The following SAFB variants were observed in gnomAD, a reference collection of about 807,000 sequenced individuals.
SAFB encodes the protein scaffold attachment factor B1.
Under a neutral mutation model 101.6 loss-of-function variants are expected in SAFB, and 15 were observed. That is an observed-to-expected ratio of 0.15 (90% CI 0.10 to 0.23). The LOEUF is 0.23. Among genes scored for constraint, SAFB ranks in the 10% least tolerant of loss-of-function variants. The pLI is 1.00. For missense variants in SAFB, 930 were observed against 1,104.1 expected (o/e 0.84, Z 2.23); for synonymous variants, 449 against 407.5 (o/e 1.10, Z -1.23).
intron 1 of SAFB, among the ~76,000 whole-genome samples, chr19:5,623,674 T>C (rs2145378702): frequency 6.6e-6 from 1 of 150,788 alleles, no homozygotes; most frequent in Non-Finnish European, 1.5e-5. Context: ...GAGAGGAGGG[T>C]TCTCCCCTCG....
chr19:5,624,452 A>G (rs2053298530), intron 1 of SAFB, among the ~76,000 whole-genome samples: 1 of 151,896 alleles, frequency 6.6e-6, no homozygotes, highest in Non-Finnish European at 1.5e-5. Flanking sequence ...CCCTAGGAAA[A>G]GCAGAGAGGC....
chr19:5,655,143 C>A (rs1246273369), intron 13 of SAFB, among the ~76,000 whole-genome samples: 1 of 152,084 alleles, frequency 6.6e-6, no homozygotes, highest in East Asian at 1.9e-4. Flanking sequence ...TGACCCCTTC[C>A]TGTACTCTTA....
In SAFB at chr19:5,661,624, C is replaced by G; in HGVS notation, c.1969C>G (p.Gln657Glu). The change falls in exon 15 of 21, where the codon CAG becomes GAG. Residue 657 changes from glutamine to glutamate, a missense_variant. By Grantham distance (29) the Gln-to-Glu change is conservative (BLOSUM62 2). Transcript: ENST00000588852. ...CCGAGAGAGGCTGGCCTTCCAGCGC[C>G]AGCGGCTGGAGCGGGAGCGCATGGA... ...IARERLAFQRQRLERERMERE... is the reference protein window; with the variant it reads ...IARERLAFQRERLERERMERE... 1 of 1,612,608 alleles carries G rather than the reference C, an allele frequency of 6.2e-7. No individual in the cohort carries two copies. Among genetic ancestry groups the G allele is most frequent in the South Asian group, 1.1e-5 (1 of 91,064 alleles).
intron 4 of SAFB, among the ~76,000 whole-genome samples, chr19:5,643,884 G>T (rs2053772260): frequency 6.6e-6 from 1 of 152,002 alleles, no homozygotes; most frequent in Non-Finnish European, 1.5e-5. Flanking sequence ...GAGTTCAGAG[G>T]TAGATTCTGG....
intron 15 of SAFB, among the ~76,000 whole-genome samples, chr19:5,663,308 T>A (rs1402779038): frequency 6.6e-6 from 1 of 152,210 alleles, no homozygotes; most frequent in East Asian, 1.9e-4. Context: ...GCAGTAAGAT[T>A]AATTTTAATT....
Position 5,660,937 on chromosome 19 carries a change from C to CTTT in SAFB, c.1863-557_1863-555dup, listed in dbSNP as rs35511041. 2.2e-3 allele frequency among the ~76,000 whole-genome samples: 82 copies of CTTT among 38,048 alleles called. 6 individuals carry two copies. In the Admixed American group the frequency reaches 0.03, roughly 14 times the overall value. The allele number at this position is 38,048 out of a possible 152,430, so 25.0% of individuals were successfully genotyped here. On this transcript the variant is annotated intron_variant, in intron 14 of 20. Transcript: ENST00000588852. The stretch of plus-strand genomic sequence containing the variant: ...TCGCTATGAAGCATATACTCTGTGG[C>CTTT]TTTTTTTTTTTTTTTTTTTTTTTTT...
chr19:5,664,550 A>G (rs947903921), intron 17 of SAFB, 111 bp downstream of exon 17: 3 of 836,346 alleles, frequency 3.6e-6, no homozygotes, highest in Non-Finnish European at 6.0e-6. Context: ...AAATGAGGAA[A>G]GAGAAAAGTA....
chr19:5,637,172 G>A (rs976825511), intron 2 of SAFB, among the ~76,000 whole-genome samples: 14 of 149,846 alleles, frequency 9.3e-5, no homozygotes, highest in African/African-American at 3.2e-4. Context: ...GTGAAACCCC[G>A]TCTCTACTAA....
intron 2 of SAFB, among the ~76,000 whole-genome samples, chr19:5,635,095 G>A (rs575627104): frequency 9.9e-5 from 15 of 152,162 alleles, no homozygotes; most frequent in African/African-American, 3.1e-4. Flanking sequence ...CCGAGATCAC[G>A]CCATTGCACT....
At chr19:5,656,522 C>T (rs929410817) in intron 13 of SAFB, among the ~76,000 whole-genome samples, 4 of 151,520 alleles carry the variant, frequency 2.6e-5, no homozygotes, top group East Asian at 1.9e-4. Flanking sequence ...GTGATCCACC[C>T]GTCCCGGCCT....
At chr19:5,652,724 C>T (rs1404403461) in intron 9 of SAFB, among the ~76,000 whole-genome samples, 1 of 152,104 alleles carries the variant, frequency 6.6e-6, no homozygotes, top group African/African-American at 2.4e-5. Context: ...CAGTCTGTGC[C>T]GAAGTCTTTT....
At chr19:5,658,156 C>A (rs2054107130) in intron 14 of SAFB, among the ~76,000 whole-genome samples, 1 of 152,048 alleles carries the variant, frequency 6.6e-6, no homozygotes, top group South Asian at 2.1e-4. Context: ...AGCCACCACA[C>A]CCGGCTCATT....
chr19:5,656,079 C>T (rs963706418), intron 13 of SAFB, among the ~76,000 whole-genome samples: 42 of 151,950 alleles, frequency 2.8e-4, no homozygotes, highest in African/African-American at 9.9e-4. Flanking sequence ...AATTCTGTGT[C>T]TTTCAATTAT....
At chr19:5,647,056 G>T (rs1305988864) in intron 5 of SAFB, among the ~76,000 whole-genome samples, 3 of 152,226 alleles carry the variant, frequency 2.0e-5, no homozygotes, top group African/African-American at 7.2e-5. Flanking sequence ...TTTGTGCCTG[G>T]AACCTAGTCA....
At chr19:5,624,176 C>G (rs547563803) in intron 1 of SAFB, 1 of 150,434 alleles carries the variant, frequency 6.6e-6, no homozygotes, top group South Asian at 2.1e-4. Flanking sequence ...GTGGCCTGAT[C>G]TTGGGCATAG....
At chr19:5,661,361 C>A in intron 14 of SAFB, 157 bp from the exon 15 acceptor site, 3 of 1,344,978 alleles carry the variant, frequency 2.2e-6, no homozygotes, top group Non-Finnish European at 3.0e-6. Context: ...TCCTGTGGGC[C>A]CGAGAAGCCT....
chr19:5,654,061 A>G lies in SAFB; in HGVS notation c.1527A>G (p.Arg509=), dbSNP rs948177224. 1.2e-6 allele frequency: 2 copies of G among 1,613,888 alleles called. No homozygotes were observed. The highest frequency in any genetic ancestry group is 1.7e-6 in the Non-Finnish European group (2 of 1,179,976). ...GKKEKSSNSD[R]STNLKRDDKC... ...CAGCCAACATGTCTGTTTTTTATAG[A>G]TCTACAAACCTTAAGAGGGATGATA... The change falls in exon 12 of 21, where the codon AGA becomes AGG. Residue 509 remains arginine (R), a splice_region_variant and synonymous_variant. Coordinates refer to ENST00000588852, the MANE Select transcript of SAFB (RefSeq NM_001201338.2).
chr19:5,648,334 G>C, intron 6 of SAFB: 1 of 414,520 alleles, frequency 2.4e-6, no homozygotes, highest in Non-Finnish European at 4.3e-6. Flanking sequence ...AAGAGTTCCA[G>C]ATGCCTCTCT....
intron 13 of SAFB, 126 bp downstream of exon 13, chr19:5,654,582 A>C: frequency 1.4e-6 from 1 of 709,698 alleles, no homozygotes; most frequent in South Asian, 1.6e-5. Flanking sequence ...AAAATGTAGA[A>C]ATCTCAAACT....
Sources: gnomAD v4.1 joint callset for allele counts (sites outside exome capture counted in the v4.1 genomes callset) on GRCh38, gnomAD v4.1.1 for gene constraint, MANE v1.5 for transcripts, NCBI Gene and HGNC (gene_info 2026-07-23, HGNC 2026-07-21) for gene names.